The following ADAMTS12 variants were observed in gnomAD, a reference collection of about 807,000 sequenced individuals.
The protein encoded by ADAMTS12 is ADAM metallopeptidase with thrombospondin type 1 motif 12.
ADAMTS12 carries 118 observed loss-of-function variants against 167.8 expected under a neutral mutation model. That is an observed-to-expected ratio of 0.70 (90% confidence interval 0.61 to 0.82). ADAMTS12 has a LOEUF of 0.82. Among genes scored for constraint, ADAMTS12 ranks in the 40% least tolerant of loss-of-function variants. ADAMTS12 has a pLI of 0.00. For synonymous variants in ADAMTS12, 704 were observed against 716.9 expected, an observed-to-expected ratio of 0.98 and a Z score of 0.29; for missense variants, 1,916 against 1,998.8, an observed-to-expected ratio of 0.96 and a Z score of 0.79.
At chr5:33,746,406 T>C (rs1744788145) in intron 3 of ADAMTS12, among the ~76,000 whole-genome samples, 2 of 152,244 alleles carry the variant, frequency 1.3e-5, no homozygotes, top group South Asian at 4.1e-4. Context: ...AATGGTATTA[T>C]ACCATTTACA....
At position 33,652,000 on chromosome 5, in the gene ADAMTS12, G is replaced by A. The variant is rs114169612; in HGVS notation, c.1191-2303C>T. On this transcript the variant is annotated intron_variant, in intron 7 of 23. Coordinates refer to ENST00000504830, the MANE Select transcript of ADAMTS12 (RefSeq NM_030955.4). Reference sequence around the variant, plus strand: ...CTTTTTTATGGCAGTGTAGTATTCCGTGGTCTATATATACCACATTTTCAT... The same window carrying A: ...CTTTTTTATGGCAGTGTAGTATTCCATGGTCTATATATACCACATTTTCAT... Among the ~76,000 whole-genome samples, 814 of 152,178 alleles carry A rather than the reference G, an allele frequency of 5.3e-3. 2 individuals are homozygous for A. The highest frequency in any genetic ancestry group is 0.019 in the African/African-American group (783 of 41,524).
chr5:33,731,934 T>A (rs1030423915), intron 3 of ADAMTS12, among the ~76,000 whole-genome samples: 2 of 152,210 alleles, frequency 1.3e-5, no homozygotes, highest in African/African-American at 4.8e-5. Flanking sequence ...AAATTTGTTC[T>A]TTTGGAGAGA....
chr5:33,705,882 T>C (rs991030148), intron 3 of ADAMTS12, among the ~76,000 whole-genome samples: 7 of 151,976 alleles, frequency 4.6e-5, no homozygotes, highest in African/African-American at 1.2e-4. Flanking sequence ...CCTCCTTAAA[T>C]AGCTACAAAA....
At chr5:33,691,325 A>G (rs986887071) in intron 3 of ADAMTS12, among the ~76,000 whole-genome samples, 2 of 152,206 alleles carry the variant, frequency 1.3e-5, no homozygotes, top group Non-Finnish European at 2.9e-5. Flanking sequence ...GTTCTGAGGA[A>G]CATCACTTGA....
chr5:33,718,064 G>A (rs1479735485), intron 3 of ADAMTS12, among the ~76,000 whole-genome samples: 1 of 152,216 alleles, frequency 6.6e-6, no homozygotes, highest in Admixed American at 6.5e-5. Flanking sequence ...TTCCTGGGCT[G>A]AATACTGTGC....
At chr5:33,652,553 CAT>C (rs1276065677) in intron 7 of ADAMTS12, among the ~76,000 whole-genome samples, 1 of 151,966 alleles carries the variant, frequency 6.6e-6, no homozygotes, top group African/African-American at 2.4e-5. Flanking sequence ...GTATAGTTTA[CAT>C]ATGTTTTCTC....
At chr5:33,619,493 C>G (rs1235532741) in intron 14 of ADAMTS12, among the ~76,000 whole-genome samples, 1 of 152,088 alleles carries the variant, frequency 6.6e-6, no homozygotes, top group South Asian at 2.1e-4. Context: ...CAGCTGGAGA[C>G]TCATCTGATG....
At chr5:33,574,876 A>G (rs781419810) in intron 19 of ADAMTS12, among the ~76,000 whole-genome samples, 23 of 152,188 alleles carry the variant, frequency 1.5e-4, no homozygotes, top group Non-Finnish European at 3.2e-4. Flanking sequence ...TGGCGAGATG[A>G]GTCATGAAAT....
chr5:33,761,556 A>C (rs1401729620), intron 2 of ADAMTS12, among the ~76,000 whole-genome samples: 1 of 152,218 alleles, frequency 6.6e-6, no homozygotes, highest in African/African-American at 2.4e-5. Flanking sequence ...TAGAGACATA[A>C]ATGAGGACAT....
chr5:33,787,721 T>C (rs919162843), intron 2 of ADAMTS12, among the ~76,000 whole-genome samples: 3 of 152,176 alleles, frequency 2.0e-5, no homozygotes, highest in Admixed American at 6.5e-5. Context: ...ACATCCCCAC[T>C]GCCCCCACCT....
rs1472944240 is a variant in ADAMTS12 at position 33,525,983 on chromosome 5, C to T, written c.*1205G>A. The T allele has an allele frequency of 6.6e-6, 1 of 152,152 alleles. No homozygotes were observed. The highest frequency in any genetic ancestry group is 1.9e-4 in the East Asian group (1 of 5,200). 9.4% of individuals were successfully genotyped at this position (152,152 alleles called of 1,614,324 possible). On this transcript the variant is annotated 3_prime_UTR_variant, in exon 24 of 24. Coordinates refer to ENST00000504830, the MANE Select transcript of ADAMTS12 (RefSeq NM_030955.4). Reference sequence around the variant, plus strand: ...AGCATTCTAACTTTCATTTCAGTTTCTTTGGACTCCCTGATTCACCTGTTC... The same window carrying T: ...AGCATTCTAACTTTCATTTCAGTTTTTTTGGACTCCCTGATTCACCTGTTC...
intron 3 of ADAMTS12, among the ~76,000 whole-genome samples, chr5:33,734,651 A>G (rs1056786838): frequency 1.3e-5 from 2 of 152,340 alleles, no homozygotes; most frequent in African/African-American, 4.8e-5. Flanking sequence ...CGAATAAAGT[A>G]TGAGTACTTA....
chr5:33,841,556 T>C (rs927486712), intron 2 of ADAMTS12, among the ~76,000 whole-genome samples: 3 of 152,262 alleles, frequency 2.0e-5, no homozygotes, highest in African/African-American at 7.2e-5. Context: ...CATTTTTGCC[T>C]AGTGTTCCAT....
At chr5:33,581,248 A>G (rs1335732144) in intron 18 of ADAMTS12, among the ~76,000 whole-genome samples, 1 of 152,244 alleles carries the variant, frequency 6.6e-6, no homozygotes, top group Non-Finnish European at 1.5e-5. Flanking sequence ...TCTCTAAACC[A>G]ACTTCAGCTA....
intron 23 of ADAMTS12, among the ~76,000 whole-genome samples, chr5:33,531,540 C>T (rs256792): frequency 0.36 from 54,316 of 152,062 alleles, 10,766 homozygotes; most frequent in East Asian, 0.75. Flanking sequence ...ACAGCTGGTA[C>T]ATAGATGGTG....
At chr5:33,533,946 A>C (rs1025960095) in intron 23 of ADAMTS12, among the ~76,000 whole-genome samples, 1 of 152,220 alleles carries the variant, frequency 6.6e-6, no homozygotes, top group Admixed American at 6.5e-5. Flanking sequence ...CCTTTCTCCC[A>C]GCACAAAGGG....
At chr5:33,736,953 G>A (rs1031035166) in intron 3 of ADAMTS12, among the ~76,000 whole-genome samples, 1 of 152,144 alleles carries the variant, frequency 6.6e-6, no homozygotes, top group Non-Finnish European at 1.5e-5. Context: ...CCTTTTCACT[G>A]TAAAAGCATC....
At position 33,676,556 on chromosome 5, in the gene ADAMTS12, T is replaced by C. The variant is rs138102655; in HGVS notation, c.915+6462A>G. On this transcript the variant is annotated intron_variant, in intron 5 of 23. Transcript: ENST00000504830. ...AAAAATAGCTAGGCATCGTTGCAAG[T>C]GCCTGTATTCCTAGCTACTTGGAAG... Among the ~76,000 whole-genome samples, 1,093 of 151,714 alleles carry C rather than the reference T, an allele frequency of 7.2e-3. 15 individuals are homozygous for C. The highest frequency in any genetic ancestry group is 0.043 in the South Asian group (205 of 4,794).
At chr5:33,768,839 T>G (rs1313153946) in intron 2 of ADAMTS12, among the ~76,000 whole-genome samples, 1 of 152,102 alleles carries the variant, frequency 6.6e-6, no homozygotes. Flanking sequence ...GTATGCTTGG[T>G]AGGCAAAATA....
Sources: allele counts gnomAD v4.1 joint callset (sites outside exome capture counted in the v4.1 genomes callset), GRCh38; gene constraint gnomAD v4.1.1; transcripts MANE v1.5; gene names NCBI Gene and HGNC (gene_info 2026-07-23, HGNC 2026-07-21).